HMCN1: variants seen among roughly 807,000 people sequenced by gnomAD.
HMCN1 encodes the protein hemicentin-1.
Under a neutral mutation model 625.9 loss-of-function variants are expected in HMCN1, and 321 were observed. The ratio of observed to expected loss-of-function variants is 0.51; its 90% CI spans 0.47 to 0.56. The LOEUF (loss-of-function observed/expected upper bound fraction) is 0.56, where lower values mean the gene tolerates loss of function less well. HMCN1 is among the 20% of genes least tolerant of loss of function. HMCN1 has a pLI of 0.00. For synonymous variants in HMCN1, 2,425 were observed against 2,417.6 expected, an observed-to-expected ratio of 1.00 and a Z score of -0.09; for missense variants, 6,588 against 6,887.3, an observed-to-expected ratio of 0.96 and a Z score of 1.54.
chr1:185,985,198 C>T (rs966724543), intron 19 of HMCN1, among the ~76,000 whole-genome samples: 1 of 152,078 alleles, frequency 6.6e-6, no homozygotes, highest in Non-Finnish European at 1.5e-5. Context: ...GTTAAGTATC[C>T]ACCACATCAC....
At chr1:186,030,297 A>T (rs1259483381) in intron 36 of HMCN1, among the ~76,000 whole-genome samples, 2 of 152,110 alleles carry the variant, frequency 1.3e-5, no homozygotes, top group East Asian at 3.9e-4. Flanking sequence ...GAAGTCTCTT[A>T]ACTTTTATAG....
rs1653631593 is a variant in HMCN1, at chr1:186,190,126, A to T, written c.*248A>T. ...ATTACACTGGAGCAGTTACTTCCCA[A>T]AGATTATTCTGAACATCTAACAGGA... is the stretch of plus-strand genomic sequence containing the variant. On this transcript the variant is annotated 3_prime_UTR_variant, in exon 107 of 107. Transcript: ENST00000271588. 1 of 538,826 alleles carries T rather than the reference A, an allele frequency of 1.9e-6. No individual in the cohort carries two copies. The highest frequency in any genetic ancestry group is 3.3e-6 in the Non-Finnish European group (1 of 298,582). 33.4% of individuals were successfully genotyped at this position (538,826 alleles called of 1,614,324 possible).
intron 69 of HMCN1, 151 bp downstream of exon 69, chr1:186,103,819 T>C (rs966805919): frequency 3.1e-6 from 2 of 653,956 alleles, no homozygotes; most frequent in South Asian, 4.0e-5. Flanking sequence ...ATATGCATGA[T>C]TGGGTAACTT....
Position 186,039,845 on chromosome 1 carries a change from G to A in HMCN1, c.6146G>A (p.Gly2049Glu), listed in dbSNP as rs1656091815. The A allele has an allele frequency of 1.2e-6, 2 of 1,613,340 alleles. No individual in the cohort carries two copies. Among genetic ancestry groups the A allele is most frequent in the South Asian group, 1.1e-5 (1 of 91,076 alleles). Residue 2049 changes from glycine to glutamate, a missense_variant, in exon 39 of 107, where the codon GGG (glycine) becomes GAG (glutamate). By Grantham distance (98) the Gly-to-Glu change is moderately conservative. This residue lies in a region of HMCN1 where 4,628 missense variants were observed against 4,853.1 expected (regional missense o/e 0.95). Coordinates refer to ENST00000271588, the MANE Select transcript of HMCN1 (RefSeq NM_031935.3). Reference sequence around the variant, plus strand: ...CCAAGTCTGACCTGGTTGAAAGATGGGAGTCCTGTTTCTAGTTTTTCTAAT... The same window carrying A: ...CCAAGTCTGACCTGGTTGAAAGATGAGAGTCCTGTTTCTAGTTTTTCTAAT... Reference protein sequence around the residue: ...PAPSLTWLKDGSPVSSFSNGL... With the variant: ...PAPSLTWLKDESPVSSFSNGL...
At position 186,093,586 on chromosome 1, in the gene HMCN1, A is replaced by C; in HGVS notation, c.10113A>C (p.Pro3371=). 6.2e-7 allele frequency: 1 copy of C among 1,613,514 alleles called. No homozygotes were observed. Among genetic ancestry groups the C allele is most frequent in the Non-Finnish European group, 8.5e-7 (1 of 1,179,654 alleles). The change falls in exon 66 of 107, where the codon CCA becomes CCC. Residue 3371 remains proline, a synonymous_variant. Transcript: ENST00000271588. ...AATGCAGAGCCACAGGGACGCCTCC[A>C]CCACAGATAAACTGGCTGAAGAATG... ...NIECRATGTP[P]PQINWLKNGL... is the part of the protein sequence containing the mutation.
At chr1:185,912,566 C>T (rs1224019319) in intron 6 of HMCN1, among the ~76,000 whole-genome samples, 1 of 151,904 alleles carries the variant, frequency 6.6e-6, no homozygotes. Flanking sequence ...GAGTGACTTG[C>T]CCATATTTCT....
chr1:186,169,083 C>A (rs1252206635), intron 100 of HMCN1, among the ~76,000 whole-genome samples: 1 of 152,108 alleles, frequency 6.6e-6, no homozygotes, highest in Non-Finnish European at 1.5e-5. Flanking sequence ...CATGTCCCTG[C>A]AAAGGACATG....
chr1:185,771,525 G>A (rs186952852), intron 1 of HMCN1, among the ~76,000 whole-genome samples: 7 of 152,154 alleles, frequency 4.6e-5, no homozygotes, highest in Admixed American at 3.9e-4. Context: ...TTGTTATACC[G>A]CTATTCACCT....
At chr1:186,185,663 T>A (rs1653252960) in intron 105 of HMCN1, among the ~76,000 whole-genome samples, 1 of 152,254 alleles carries the variant, frequency 6.6e-6, no homozygotes, top group Admixed American at 6.5e-5. Flanking sequence ...AATACTTACA[T>A]TGTCTGTGGT....
Position 186,015,446 on chromosome 1 carries a change from C to T in HMCN1, c.4909+9C>T, listed in dbSNP as rs1654304477. On this transcript the variant is annotated intron_variant, in intron 31 of 106. Coordinates refer to ENST00000271588, the MANE Select transcript of HMCN1 (RefSeq NM_031935.3). The stretch of plus-strand genomic sequence containing the variant: ...CCATGTGGATGTCTATGGTGAGGAA[C>T]AACATATGCTTTAATTATATACCTT... 2 of 1,611,990 alleles carry T rather than the reference C, an allele frequency of 1.2e-6. No individual in the cohort carries two copies. Among genetic ancestry groups the T allele is most frequent in the East Asian group, 4.5e-5 (2 of 44,834 alleles).
rs1022187058 is a variant in HMCN1, at chr1:185,752,712, A to T, written c.268+17665A>T. Among the ~76,000 whole-genome samples, 10 of 152,308 alleles carry T rather than the reference A, an allele frequency of 6.6e-5. No individual in the cohort carries two copies. In the East Asian group the frequency reaches 9.7e-4, roughly 15 times the overall value. On this transcript the variant is annotated intron_variant, in intron 1 of 106. Transcript: ENST00000271588. ...CTTTCTCATAGTAAAATATTTGCTT[A>T]CACAGAAAACTGTAGGCCCAGATGA... is the stretch of plus-strand genomic sequence containing the variant.
Position 186,002,431 on chromosome 1 carries a change from G to A in HMCN1, c.4348+690G>A, listed in dbSNP as rs574828801. Among the ~76,000 whole-genome samples the A allele has an allele frequency of 2.1e-3, 327 of 152,094 alleles. 1 individual carries two copies. Among genetic ancestry groups the A allele is most frequent in the Non-Finnish European group, 3.7e-3 (252 of 67,958 alleles). On this transcript the variant is annotated intron_variant, in intron 28 of 106. Coordinates refer to ENST00000271588, the MANE Select transcript of HMCN1 (RefSeq NM_031935.3). ...TAGAAGTGAGTGGAGGAATGATACT[G>A]CATAAAAATTATATTCATAAACTGC...
intron 1 of HMCN1, among the ~76,000 whole-genome samples, chr1:185,752,826 T>C (rs1654901840): frequency 6.6e-6 from 1 of 152,196 alleles, no homozygotes; most frequent in Admixed American, 6.5e-5. Flanking sequence ...AAGGTTATAC[T>C]TCCCATTAGG....
chr1:186,018,080 C>T, intron 33 of HMCN1, 103 bp from the exon 34 acceptor site: 1 of 1,035,660 alleles, frequency 9.7e-7, no homozygotes, highest in Non-Finnish European at 1.5e-6. Context: ...ACAGAGTAAG[C>T]AACTAGGAAA....
At chr1:185,893,056 G>A (rs1665231972) in intron 4 of HMCN1, among the ~76,000 whole-genome samples, 1 of 152,216 alleles carries the variant, frequency 6.6e-6, no homozygotes, top group Admixed American at 6.5e-5. Context: ...GTATTCGGGT[G>A]CAAGTGACCC....
At chr1:185,831,195 A>G (rs1660836286) in intron 1 of HMCN1, among the ~76,000 whole-genome samples, 1 of 152,204 alleles carries the variant, frequency 6.6e-6, no homozygotes, top group African/African-American at 2.4e-5. Flanking sequence ...ACATGTTAAA[A>G]GAATAAACAT....
chr1:185,901,716 T>G (rs1430190197), intron 4 of HMCN1, among the ~76,000 whole-genome samples: 2 of 151,750 alleles, frequency 1.3e-5, no homozygotes, highest in East Asian at 1.9e-4. Context: ...TCACTGACAT[T>G]AAAAGCCTTT....
intron 1 of HMCN1, among the ~76,000 whole-genome samples, chr1:185,763,461 C>T (rs950972348): frequency 2.6e-5 from 4 of 152,084 alleles, no homozygotes; most frequent in Middle Eastern, 3.2e-3. Flanking sequence ...TATCTTTTAC[C>T]AGTGTTTCTG....
chr1:186,021,495 G>A (rs1241355769), intron 35 of HMCN1, among the ~76,000 whole-genome samples: 1 of 152,084 alleles, frequency 6.6e-6, no homozygotes, highest in Non-Finnish European at 1.5e-5. Context: ...AATCCAAGGA[G>A]AGAGTAAAGG....
Sources: allele counts gnomAD v4.1 joint callset (sites outside exome capture counted in the v4.1 genomes callset), GRCh38; gene constraint gnomAD v4.1.1; regional missense constraint gnomAD v4.1.1; transcripts MANE v1.5; gene names NCBI Gene and HGNC (gene_info 2026-07-23, HGNC 2026-07-21).